PTPN12: variants seen among roughly 807,000 people sequenced by gnomAD.
PTPN12 encodes protein tyrosine phosphatase non-receptor type 12, also known as tyrosine-protein phosphatase non-receptor type 12.
PTPN12 carries 29 observed loss-of-function variants against 97.6 expected under a neutral mutation model. That is an observed-to-expected ratio of 0.30 (90% CI 0.22 to 0.41). The LOEUF (loss-of-function observed/expected upper bound fraction) is 0.41. PTPN12 is among the 10% of genes least tolerant of loss of function. PTPN12 has a pLI of 1.00. For missense variants in PTPN12, 819 were observed against 926.0 expected (o/e 0.88, Z 1.50); for synonymous variants, 327 against 300.4 (o/e 1.09, Z -0.91).
chr7:77,569,863 G>A (rs1420628246), intron 1 of PTPN12, among the ~76,000 whole-genome samples: 2 of 152,146 alleles, frequency 1.3e-5, no homozygotes, highest in Non-Finnish European at 2.9e-5. Flanking sequence ...AGTTGTAGAA[G>A]TACAATTCAG....
chr7:77,545,837 G>C (rs1490800654), intron 1 of PTPN12: 1 of 151,990 alleles, frequency 6.6e-6, no homozygotes, highest in Non-Finnish European at 1.5e-5. Flanking sequence ...GCTATTCCTG[G>C]TCCTTGAGCA....
chr7:77,537,991 T>A, intron 1 of PTPN12: 10 of 862,444 alleles, frequency 1.2e-5, no homozygotes, highest in Non-Finnish European at 1.4e-5. Context: ...GGGGGGGGGC[T>A]CGCGTTTCCA....
Position 77,625,468 on chromosome 7 carries a change from G to GCGCTCTCTCTCTCTCTCT in PTPN12, c.1026-1236_1026-1235insGCTCTCTCTCTCTCTCTC, listed in dbSNP as rs1218191468. 6.1e-4 allele frequency among the ~76,000 whole-genome samples: 15 copies of GCGCTCTCTCTCTCTCTCT among 24,756 alleles called. 3 individuals are homozygous for GCGCTCTCTCTCTCTCTCT. Among genetic ancestry groups the GCGCTCTCTCTCTCTCTCT allele is most frequent in the Non-Finnish European group, 7.1e-4 (11 of 15,580 alleles). The allele number at this position is 24,756 out of a possible 152,430, so 16.2% of individuals were successfully genotyped here. The stretch of plus-strand genomic sequence containing the variant: ...AGGGTTTTGCCATATTGCCCAGGCT[G>GCGCTCTCTCTCTCTCTCT]CTCGCTCTCTCTCTCTCTCTCTCTC... On this transcript the variant is annotated intron_variant, in intron 12 of 17. Transcript: ENST00000248594.
At chr7:77,621,228 C>T (rs547538758) in intron 12 of PTPN12, among the ~76,000 whole-genome samples, 2 of 151,984 alleles carry the variant, frequency 1.3e-5, no homozygotes, top group African/African-American at 4.8e-5. Context: ...ATATCTTGTC[C>T]TGCTGGAAGG....
At chr7:77,617,002 C>T (rs1211133839) in intron 11 of PTPN12, among the ~76,000 whole-genome samples, 1 of 152,058 alleles carries the variant, frequency 6.6e-6, no homozygotes, top group South Asian at 2.1e-4. Context: ...AGGCTGGTCT[C>T]GAACTCTAGA....
intron 1 of PTPN12, among the ~76,000 whole-genome samples, chr7:77,567,012 T>C (rs944870456): frequency 2.6e-5 from 4 of 152,022 alleles, no homozygotes; most frequent in African/African-American, 9.7e-5. Context: ...TAGTATATTA[T>C]GTTTCTCAAT....
intron 1 of PTPN12, among the ~76,000 whole-genome samples, chr7:77,545,184 C>T (rs1807155554): frequency 2.0e-5 from 3 of 152,266 alleles, no homozygotes; most frequent in South Asian, 2.1e-4. Context: ...ATCATGTCAT[C>T]GGTATCTCTT....
chr7:77,639,205 T>G lies in PTPN12; in HGVS notation c.2282-14T>G. ...TCTGAACACTGACTAGTTATTGTGG[T>G]GTTTTCACTGTAGGTTTTGGTAATC... is the stretch of plus-strand genomic sequence containing the variant. On this transcript the variant is annotated splice_polypyrimidine_tract_variant and intron_variant, in intron 17 of 17. Coordinates refer to ENST00000248594, the MANE Select transcript of PTPN12 (RefSeq NM_002835.4). 6.2e-7 allele frequency: 1 copy of G among 1,602,630 alleles called. No homozygotes were observed.
chr7:77,572,995 A>G (rs1787196490), intron 2 of PTPN12, among the ~76,000 whole-genome samples: 1 of 148,342 alleles, frequency 6.7e-6, no homozygotes. Flanking sequence ...AGGCAGGAGA[A>G]TTGCCTGAAC....
intron 2 of PTPN12, among the ~76,000 whole-genome samples, chr7:77,581,202 G>A (rs933665253): frequency 2.6e-5 from 4 of 152,042 alleles, no homozygotes; most frequent in Non-Finnish European, 5.9e-5. Flanking sequence ...ACAGCCTCCC[G>A]AGTAGCTGGG....
intron 16 of PTPN12, among the ~76,000 whole-genome samples, chr7:77,637,685 C>T (rs1019123056): frequency 1.3e-5 from 2 of 151,384 alleles, no homozygotes; most frequent in Admixed American, 6.6e-5. Context: ...GGTGAAACCC[C>T]GTCTCTACTA....
intron 1 of PTPN12, among the ~76,000 whole-genome samples, chr7:77,554,159 G>A (rs1291981826): frequency 6.6e-6 from 1 of 152,104 alleles, no homozygotes; most frequent in African/African-American, 2.4e-5. Flanking sequence ...GTAGAGAGAA[G>A]GTCTTACCAT....
At chr7:77,612,266 C>T (rs969470716) in intron 11 of PTPN12, among the ~76,000 whole-genome samples, 3 of 152,062 alleles carry the variant, frequency 2.0e-5, no homozygotes, top group Non-Finnish European at 4.4e-5. Context: ...AGCCAAGTGA[C>T]AATTTCACGT....
At chr7:77,635,260 T>C (rs940346153) in intron 14 of PTPN12, among the ~76,000 whole-genome samples, 2 of 152,144 alleles carry the variant, frequency 1.3e-5, no homozygotes, top group African/African-American at 4.8e-5. Context: ...GGCAAAACCC[T>C]GTCTGTATAA....
At chr7:77,616,417 T>C (rs1269722334) in intron 11 of PTPN12, among the ~76,000 whole-genome samples, 4 of 152,222 alleles carry the variant, frequency 2.6e-5, no homozygotes, top group Non-Finnish European at 5.9e-5. Context: ...ACCATGTCCT[T>C]CTTACATTTT....
At chr7:77,585,006 A>T (rs1033098154) in intron 4 of PTPN12, 1 of 152,198 alleles carries the variant, frequency 6.6e-6, no homozygotes, top group African/African-American at 2.4e-5. Context: ...TGATAGAGGG[A>T]TAGCTATGTG....
intron 1 of PTPN12, among the ~76,000 whole-genome samples, chr7:77,537,871 C>T (rs912355441): frequency 1.3e-5 from 2 of 151,384 alleles, no homozygotes; most frequent in Non-Finnish European, 2.9e-5. Context: ...CGCGGGTTCC[C>T]GGGACGCGAA....
intron 1 of PTPN12, among the ~76,000 whole-genome samples, chr7:77,543,913 G>T (rs1004829336): frequency 6.6e-6 from 1 of 152,102 alleles, no homozygotes; most frequent in African/African-American, 2.4e-5. Flanking sequence ...TCCATTCATC[G>T]TGTTGATGGG....
At chr7:77,600,560 T>C (rs1788158766) in intron 7 of PTPN12, 104 bp from the exon 8 acceptor site, 1 of 995,374 alleles carries the variant, frequency 1.0e-6, no homozygotes, top group East Asian at 2.7e-5. Context: ...AAAGCAGTGC[T>C]AAATGCCACA....
Sources: allele counts gnomAD v4.1 joint callset (sites outside exome capture counted in the v4.1 genomes callset), GRCh38; gene constraint gnomAD v4.1.1; transcripts MANE v1.5; gene names NCBI Gene and HGNC (gene_info 2026-07-23, HGNC 2026-07-21).